Variants in GLT8D2 observed in about 807,000 individuals in gnomAD.
GLT8D2 encodes the protein glycosyltransferase 8 domain containing 2, also known as glycosyltransferase 8 domain-containing protein 2.
A neutral mutation model predicts 44.5 loss-of-function variants in GLT8D2; 45 were observed. The ratio of observed to expected loss-of-function variants is 1.01; its 90% CI spans 0.80 to 1.30. The LOEUF (loss-of-function observed/expected upper bound fraction) is 1.30. Ranked by LOEUF, GLT8D2 falls within the 50% of genes most tolerant of loss-of-function variation. The probability of loss-of-function intolerance (pLI) is 0.00; values close to 1 mark genes in which losing one functional copy is unlikely to be tolerated. For missense variants in GLT8D2, 400 were observed against 430.4 expected, an observed-to-expected ratio of 0.93 and a Z score of 0.62; for synonymous variants, 156 against 157.2, an observed-to-expected ratio of 0.99 and a Z score of 0.06.
chr12:104,045,351 G>A lies in GLT8D2; in HGVS notation c.-164+4544C>T, dbSNP rs549403675. ...TTCCTAGCCCTAGTGACTTCCGTGT[G>A]TGTGGTTTCTCTGTGGTAATAAATA... On this transcript the variant is annotated intron_variant, in intron 1 of 10. Transcript: ENST00000360814. Among the ~76,000 whole-genome samples, 3 of 152,316 alleles carry A rather than the reference G, an allele frequency of 2.0e-5. No homozygotes were observed. In the South Asian group the frequency reaches 6.2e-4, roughly 32 times the overall value.
chr12:104,008,047 C>T lies in GLT8D2; in HGVS notation c.113-4741G>A, dbSNP rs1593537842. Reference sequence around the variant, plus strand: ...CCAGTCTCAGGTATGTCTTTATCAGCAGCATGAAAACGGACTAATACAGTA... The same window carrying T: ...CCAGTCTCAGGTATGTCTTTATCAGTAGCATGAAAACGGACTAATACAGTA... On this transcript the variant is annotated intron_variant, in intron 4 of 10. Transcript: ENST00000360814. 3.3e-5 allele frequency among the ~76,000 whole-genome samples: 5 copies of T among 152,174 alleles called. No homozygotes were observed. The South Asian group carries it at 1.0e-3, about 32-fold the overall frequency.
chr12:104,012,575 T>C (rs908036814), intron 4 of GLT8D2: 1 of 410,702 alleles, frequency 2.4e-6, no homozygotes, highest in African/African-American at 2.1e-5. Context: ...TGAGCAGGGA[T>C]TGAAGCATGA....
chr12:104,014,937 A>T, intron 4 of GLT8D2, 76 bp downstream of exon 4: 2 of 1,018,646 alleles, frequency 2.0e-6, no homozygotes, highest in Non-Finnish European at 1.5e-6. Context: ...GAACCCAGCT[A>T]TTGAAAGGAC....
chr12:104,060,138 C>T (rs549308649), intron 1 of GLT8D2, among the ~76,000 whole-genome samples: 1 of 152,312 alleles, frequency 6.6e-6, no homozygotes, highest in East Asian at 1.9e-4. Context: ...CCACTTCTGC[C>T]TCTATGAAAC....
intron 4 of GLT8D2, chr12:104,012,808 C>T (rs1368601575): frequency 1.4e-6 from 1 of 698,998 alleles, no homozygotes; most frequent in Non-Finnish European, 2.6e-6. Context: ...TAGGCCTTAT[C>T]CCAGTAAGAC....
chr12:104,038,355 G>T (rs1411077998), intron 1 of GLT8D2, among the ~76,000 whole-genome samples: 16 of 152,180 alleles, frequency 1.1e-4, no homozygotes, highest in Admixed American at 1.0e-3. Flanking sequence ...AAGTCAAACT[G>T]TCCCTGTTTG....
chr12:104,043,555 C>T (rs772815749), intron 1 of GLT8D2, among the ~76,000 whole-genome samples: 11 of 152,326 alleles, frequency 7.2e-5, no homozygotes, highest in Non-Finnish European at 1.6e-4. Context: ...CAACCTCCGC[C>T]TCCTGGGTTA....
chr12:104,015,393 AAC>A (rs55732553), intron 3 of GLT8D2, among the ~76,000 whole-genome samples: 7,560 of 126,028 alleles, frequency 0.06, 233 homozygotes, highest in African/African-American at 0.12. Flanking sequence ...AACAACAACA[AAC>A]ACACACACAC....
chr12:104,022,803 C>A (rs374344257), intron 1 of GLT8D2, among the ~76,000 whole-genome samples: 1 of 151,976 alleles, frequency 6.6e-6, no homozygotes, highest in East Asian at 1.9e-4. Context: ...CACACACACA[C>A]GATGCATTAT....
chr12:104,026,633 A>G (rs1490316749), intron 1 of GLT8D2, among the ~76,000 whole-genome samples: 2 of 152,208 alleles, frequency 1.3e-5, no homozygotes, highest in African/African-American at 4.8e-5. Context: ...AAATTTAACC[A>G]TTAGATAAGG....
chr12:104,050,642 G>A (rs1187374873), upstream of GLT8D2, among the ~76,000 whole-genome samples: 5 of 152,114 alleles, frequency 3.3e-5, no homozygotes, highest in Admixed American at 3.3e-4. Flanking sequence ...TATCTCTGCG[G>A]TGTGTTCTCA....
At chr12:104,027,821 TC>T (rs1878763756) in intron 1 of GLT8D2, among the ~76,000 whole-genome samples, 2 of 152,224 alleles carry the variant, frequency 1.3e-5, no homozygotes, top group South Asian at 4.1e-4. Context: ...AAATTAGAGC[TC>T]TCTGACTTCA....
At chr12:104,022,291 G>A (rs1878000813) in intron 1 of GLT8D2, among the ~76,000 whole-genome samples, 1 of 152,044 alleles carries the variant, frequency 6.6e-6, no homozygotes, top group African/African-American at 2.4e-5. Flanking sequence ...CAGGCTTTCA[G>A]AGTGACTGCA....
chr12:103,998,534 C>T (rs955820374), intron 6 of GLT8D2, among the ~76,000 whole-genome samples: 8 of 152,086 alleles, frequency 5.3e-5, no homozygotes, highest in East Asian at 1.9e-4. Flanking sequence ...CTCAGACTCC[C>T]GAGTAGCCGG....
intron 1 of GLT8D2, among the ~76,000 whole-genome samples, chr12:104,057,607 TTC>T (rs1406676222): frequency 2.0e-5 from 3 of 150,268 alleles, no homozygotes; most frequent in Non-Finnish European, 4.4e-5. Context: ...ATTTTTTCAT[TTC>T]TCTATATATT....
chr12:104,007,256 CT>C (rs1593537264), intron 4 of GLT8D2, among the ~76,000 whole-genome samples: 1 of 149,020 alleles, frequency 6.7e-6, no homozygotes. Flanking sequence ...CTCTCTCTCT[CT>C]CTCTCTCTCC....
In GLT8D2 at chr12:104,012,192, ATATAT is replaced by A. The variant is rs1566197230; in HGVS notation, c.112+2816_112+2820del. Reference sequence around the variant, plus strand: ...TCTCAAAAAAAAAAAAAAAAAAAATATATATATATATATATATATACCTTAAACAC... The same window carrying A: ...TCTCAAAAAAAAAAAAAAAAAAAATAATATATATATATATACCTTAAACAC... On this transcript the variant is annotated intron_variant, in intron 4 of 10. Transcript: ENST00000360814. Among the ~76,000 whole-genome samples, 72 of 84,262 alleles carry A rather than the reference ATATAT, an allele frequency of 8.5e-4. No homozygotes were observed. The East Asian group carries it at 0.019, about 23-fold the overall frequency. 55.3% of individuals were successfully genotyped at this position (84,262 alleles called of 152,430 possible).
chr12:104,025,083 A>G (rs2136402443), intron 1 of GLT8D2, among the ~76,000 whole-genome samples: 1 of 151,948 alleles, frequency 6.6e-6, no homozygotes, highest in Non-Finnish European at 1.5e-5. Context: ...AAAAAAAAAA[A>G]AAAAAAGCCC....
chr12:104,026,717 T>G (rs1334368203), intron 1 of GLT8D2, among the ~76,000 whole-genome samples: 1 of 152,232 alleles, frequency 6.6e-6, no homozygotes, highest in Non-Finnish European at 1.5e-5. Flanking sequence ...GTCATTCACT[T>G]GTTTGTGACA....
Sources: gnomAD v4.1 joint callset for allele counts (sites outside exome capture counted in the v4.1 genomes callset) on GRCh38, gnomAD v4.1.1 for gene constraint, MANE v1.5 for transcripts, NCBI Gene and HGNC (gene_info 2026-07-23, HGNC 2026-07-21) for gene names.